The following PDE7A variants were observed in gnomAD, a reference collection of about 807,000 sequenced individuals.
PDE7A encodes the protein high affinity 3',5'-cyclic-AMP phosphodiesterase 7A.
A neutral mutation model predicts 64.3 loss-of-function variants in PDE7A; 39 were observed. The observed-to-expected ratio is 0.61, with a 90% CI of 0.47 to 0.79. The LOEUF is 0.79. PDE7A is among the 30% of genes least tolerant of loss of function. The pLI, the probability that PDE7A is intolerant of heterozygous loss-of-function variation, is 0.00. For synonymous variants in PDE7A, 203 were observed against 206.8 expected (o/e 0.98, Z 0.16); for missense variants, 470 against 582.8 (o/e 0.81, Z 1.99).
At chr8:65,827,563 A>AT (rs1433448418) in intron 1 of PDE7A, among the ~76,000 whole-genome samples, 1 of 152,312 alleles carries the variant, frequency 6.6e-6, no homozygotes, top group East Asian at 1.9e-4. Context: ...TCCAAACATT[A>AT]TAACACTATA....
intron 3 of PDE7A, among the ~76,000 whole-genome samples, chr8:65,770,304 T>C (rs1809021925): frequency 6.6e-6 from 1 of 152,214 alleles, no homozygotes; most frequent in African/African-American, 2.4e-5. Flanking sequence ...AGAGGTTTGA[T>C]GGACTCACAG....
intron 1 of PDE7A, among the ~76,000 whole-genome samples, chr8:65,829,966 T>C (rs1387177540): frequency 1.3e-5 from 2 of 152,124 alleles, no homozygotes; most frequent in South Asian, 2.1e-4. Context: ...GTAAAGAGAA[T>C]TGATGATTAG....
In PDE7A at chr8:65,727,284, A is replaced by G; in HGVS notation, c.714T>C (p.Thr238=). 2.5e-6 allele frequency: 4 copies of G among 1,612,582 alleles called. No homozygotes were observed. The highest frequency in any genetic ancestry group is 3.4e-6 in the Non-Finnish European group (4 of 1,178,656). The part of the protein sequence containing the change: ...LKEPKLANSV[T]PWDILLSLIA... ...TTAAGCTCAGCAAGATATCCCAAGG[A>G]GTTACAGAATTGGCAAGCTGAAGTG... The change falls in exon 8 of 13, where the codon ACT becomes ACC. Residue 238 remains threonine (T), a synonymous_variant. Coordinates refer to ENST00000401827, the MANE Select transcript of PDE7A (RefSeq NM_001242318.3).
At chr8:65,794,191 C>A (rs1283797092) in intron 1 of PDE7A, among the ~76,000 whole-genome samples, 1 of 152,102 alleles carries the variant, frequency 6.6e-6, no homozygotes, top group Non-Finnish European at 1.5e-5. Context: ...TTTTTCCATA[C>A]ACAAAAGATA....
At chr8:65,787,569 T>A (rs2128925228) in intron 1 of PDE7A, among the ~76,000 whole-genome samples, 1 of 152,326 alleles carries the variant, frequency 6.6e-6, no homozygotes, top group East Asian at 1.9e-4. Flanking sequence ...CCATTCTTCT[T>A]CCTTTTTTCA....
intron 6 of PDE7A, among the ~76,000 whole-genome samples, chr8:65,736,292 G>A (rs1187595027): frequency 6.6e-6 from 1 of 152,092 alleles, no homozygotes; most frequent in Admixed American, 6.5e-5. Context: ...GCTCACAATG[G>A]TGTGCAATTC....
chr8:65,790,323 C>T lies in PDE7A; in HGVS notation c.139-7480G>A, dbSNP rs73693419. 9.4e-3 allele frequency among the ~76,000 whole-genome samples: 1,431 copies of T among 152,246 alleles called. 16 individuals carry two copies. Among genetic ancestry groups the T allele is most frequent in the African/African-American group, 0.031 (1,277 of 41,536 alleles). On this transcript the variant is annotated intron_variant, in intron 1 of 12. Coordinates refer to ENST00000401827, the MANE Select transcript of PDE7A (RefSeq NM_001242318.3). ...TAGTAGATTTTGCTTTTTAAAAAGA[C>T]CACTTTGGTCAAGTATAGGGAGGTG... is the stretch of plus-strand genomic sequence containing the variant.
intron 7 of PDE7A, among the ~76,000 whole-genome samples, chr8:65,730,723 T>G (rs1366094743): frequency 1.3e-5 from 2 of 151,410 alleles, no homozygotes; most frequent in Admixed American, 1.3e-4. Context: ...AAGTCAGGAG[T>G]TCGAGACTAG....
chr8:65,739,795 T>C (rs1458756277), intron 5 of PDE7A, among the ~76,000 whole-genome samples, 198 bp from the exon 6 acceptor site: 2 of 152,222 alleles, frequency 1.3e-5, no homozygotes, highest in Non-Finnish European at 2.9e-5. Context: ...AAAATTTAAT[T>C]TTTGTTGTTT....
rs756890692 is a variant in PDE7A, at chr8:65,724,342, T to G, written c.1075A>C (p.Lys359Gln). Residue 359 changes from lysine to glutamine, a missense_variant, in exon 11 of 13, where the codon AAA becomes CAA. Physicochemically the swap from Lys to Gln is moderately conservative, Grantham distance 53 (BLOSUM62 1). Coordinates refer to ENST00000401827, the MANE Select transcript of PDE7A (RefSeq NM_001242318.3). ...CATGGGTTACAAATATCAGCACATT[T>G]CAAAGCCATCTAGCAAACAAAACAT... ...HRHLVLQMAL[K>Q]CADICNPCRT... is the part of the protein sequence containing the mutation. The G allele has an allele frequency of 6.2e-7, 1 of 1,610,558 alleles. No individual in the cohort carries two copies. The highest frequency in any genetic ancestry group is 2.2e-5 in the East Asian group (1 of 44,792).
intron 1 of PDE7A, among the ~76,000 whole-genome samples, chr8:65,810,429 C>A (rs886850292): frequency 6.6e-6 from 1 of 152,038 alleles, no homozygotes; most frequent in African/African-American, 2.4e-5. Flanking sequence ...CAAACCAACA[C>A]AGCACATGTA....
intron 3 of PDE7A, among the ~76,000 whole-genome samples, chr8:65,759,281 A>G (rs1431214453): frequency 6.6e-6 from 1 of 152,208 alleles, no homozygotes; most frequent in African/African-American, 2.4e-5. Context: ...GGCTCAGGAC[A>G]GTACTATCTC....
chr8:65,795,839 C>A (rs747061846), intron 1 of PDE7A, among the ~76,000 whole-genome samples: 1 of 150,890 alleles, frequency 6.6e-6, no homozygotes, highest in Non-Finnish European at 1.5e-5. Context: ...GGGGAGTGTT[C>A]AATAAAAACA....
intron 3 of PDE7A, among the ~76,000 whole-genome samples, chr8:65,761,763 G>A (rs1808506038): frequency 6.6e-6 from 1 of 152,178 alleles, no homozygotes; most frequent in South Asian, 2.1e-4. Flanking sequence ...AAGTGGGATA[G>A]CAGACGAATG....
intron 1 of PDE7A, among the ~76,000 whole-genome samples, chr8:65,805,464 C>A (rs1374980737): frequency 6.6e-6 from 1 of 152,210 alleles, no homozygotes; most frequent in African/African-American, 2.4e-5. Flanking sequence ...GAGGCTAAGG[C>A]AACTCCATCT....
At chr8:65,814,325 A>C (rs1035054457) in intron 1 of PDE7A, among the ~76,000 whole-genome samples, 2 of 151,016 alleles carry the variant, frequency 1.3e-5, no homozygotes, top group Non-Finnish European at 3.0e-5. Context: ...TCCCGGCTAA[A>C]ACGGTGAAAC....
chr8:65,818,934 T>C (rs780312310), intron 1 of PDE7A, among the ~76,000 whole-genome samples: 3 of 152,186 alleles, frequency 2.0e-5, no homozygotes, highest in Non-Finnish European at 2.9e-5. Context: ...TGGCAGTACC[T>C]TCATGCCAAC....
At chr8:65,775,415 A>G (rs773238255) in intron 3 of PDE7A, among the ~76,000 whole-genome samples, 4 of 152,246 alleles carry the variant, frequency 2.6e-5, no homozygotes, top group Non-Finnish European at 5.9e-5. Flanking sequence ...TTTTAAGGCT[A>G]TGAATTTTCC....
intron 1 of PDE7A, among the ~76,000 whole-genome samples, chr8:65,834,005 T>C (rs1010583214): frequency 6.6e-6 from 1 of 152,126 alleles, no homozygotes; most frequent in Non-Finnish European, 1.5e-5. Flanking sequence ...GTATCTGCCA[T>C]ATAGGAGTTA....
Sources: allele counts gnomAD v4.1 joint callset (sites outside exome capture counted in the v4.1 genomes callset), GRCh38; gene constraint gnomAD v4.1.1; transcripts MANE v1.5; gene names NCBI Gene and HGNC (gene_info 2026-07-23, HGNC 2026-07-21).